Variants in ZNF518A observed in about 807,000 individuals in gnomAD.
The protein encoded by ZNF518A is zinc finger protein 518A.
A neutral mutation model predicts 102.7 loss-of-function variants in ZNF518A; 47 were observed. The observed-to-expected ratio is 0.46, with a 90% confidence interval of 0.36 to 0.58. The LOEUF (loss-of-function observed/expected upper bound fraction) is 0.58. ZNF518A is among the 20% of genes least tolerant of loss of function. The pLI, the probability that ZNF518A is intolerant of heterozygous loss-of-function variation, is 0.00. For synonymous variants in ZNF518A, 652 were observed against 594.6 expected (o/e 1.10, Z -1.40); for missense variants, 1,793 against 1,699.8 (o/e 1.05, Z -0.96).
chr10:96,173,229 C>A (rs1554891107), intron 1 of ZNF518A, among the ~76,000 whole-genome samples: 1 of 152,124 alleles, frequency 6.6e-6, no homozygotes, highest in African/African-American at 2.4e-5. Context: ...TAAGAGACAA[C>A]TGTTTATATT....
downstream of ZNF518A, among the ~76,000 whole-genome samples, chr10:96,165,019 T>C (rs1198273513): frequency 1.3e-5 from 2 of 152,246 alleles, no homozygotes; most frequent in East Asian, 1.9e-4. Flanking sequence ...AATACTCTTG[T>C]AGATGACTTG....
At chr10:96,190,182 C>T in intron 1 of ZNF518A, 1 of 800,186 alleles carries the variant, frequency 1.2e-6, no homozygotes, top group Non-Finnish European at 2.2e-6. Context: ...AGTTCTGGGC[C>T]TCAGGGGGCT....
At chr10:96,140,828 C>A (rs1408671905) in intron 3 of ZNF518A, among the ~76,000 whole-genome samples, 5 of 151,790 alleles carry the variant, frequency 3.3e-5, no homozygotes, top group Admixed American at 2.6e-4. Context: ...ATAGTCCCAG[C>A]TACTTGGGAA....
downstream of ZNF518A, among the ~76,000 whole-genome samples, chr10:96,168,264 C>T (rs587702029): frequency 5.5e-3 from 832 of 152,240 alleles, 6 homozygotes; most frequent in South Asian, 0.013. Flanking sequence ...ATGCAGGGTT[C>T]AACCACTTGG....
chr10:96,154,451 C>T (rs1554881466), intron 3 of ZNF518A, among the ~76,000 whole-genome samples: 1 of 148,670 alleles, frequency 6.7e-6, no homozygotes, highest in African/African-American at 2.5e-5. Context: ...TCCTTCCTTC[C>T]TGCCTTCTTT....
At position 96,157,336 on chromosome 10, in the gene ZNF518A, C is replaced by G; in HGVS notation, c.1014C>G (p.Asp338Glu). Residue 338 changes from aspartate to glutamate, a missense_variant, in exon 6 of 6, where the codon GAC becomes GAG. This residue lies in a region of ZNF518A where 1,741 missense variants were observed against 1,622.6 expected (regional missense o/e 1.07). Transcript: ENST00000316045. ...WKRKKINSGS[D>E]RSIEKNTQVL... ...GTAAGAAAATTAACAGTGGAAGTGA[C>G]AGAAGTATAGAAAAGAACACTCAAG... 1 of 1,611,020 alleles carries G rather than the reference C, an allele frequency of 6.2e-7. No individual in the cohort carries two copies. The highest frequency in any genetic ancestry group is 8.5e-7 in the Non-Finnish European group (1 of 1,178,494).
rs1408942403 is a variant in ZNF518A at position 96,130,722 on chromosome 10, C to A, written c.-483C>A. The A allele has an allele frequency of 4.6e-5, 7 of 152,320 alleles. No homozygotes were observed. Among genetic ancestry groups the A allele is most frequent in the African/African-American group, 1.7e-4 (7 of 41,458 alleles). The allele number at this position is 152,320 out of a possible 1,614,324, so 9.4% of individuals were successfully genotyped here. Reference sequence around the variant, plus strand: ...CTTGCAGAGATGCCCTGCTCCCTGACGCGCTCGCTCTTCTCCAGAGTTGGC... The same window carrying A: ...CTTGCAGAGATGCCCTGCTCCCTGAAGCGCTCGCTCTTCTCCAGAGTTGGC... On this transcript the variant is annotated 5_prime_UTR_variant, in exon 1 of 6. Transcript: ENST00000316045.
At chr10:96,166,948 C>T (rs1218352008), downstream of ZNF518A, among the ~76,000 whole-genome samples, 1 of 152,164 alleles carries the variant, frequency 6.6e-6, no homozygotes, top group Admixed American at 6.5e-5. Context: ...GTAGTGAAAG[C>T]AGTCTTCAAG....
chr10:96,153,701 C>G (rs2082559353), intron 3 of ZNF518A, among the ~76,000 whole-genome samples: 1 of 152,064 alleles, frequency 6.6e-6, no homozygotes, highest in African/African-American at 2.4e-5. Context: ...AAAAATGTTC[C>G]CAATGAAGCT....
intron 1 of ZNF518A, among the ~76,000 whole-genome samples, chr10:96,181,492 G>A (rs1230180134): frequency 6.6e-6 from 1 of 152,162 alleles, no homozygotes; most frequent in African/African-American, 2.4e-5. Flanking sequence ...TAACATGTAA[G>A]TCTTTAATCC....
intron 1 of ZNF518A, among the ~76,000 whole-genome samples, chr10:96,178,695 TA>T (rs1319602784): frequency 1.3e-5 from 2 of 152,028 alleles, no homozygotes; most frequent in Non-Finnish European, 2.9e-5. Flanking sequence ...ATAAAATTGA[TA>T]AACCTTTAGC....
intron 1 of ZNF518A, chr10:96,201,084 A>G: frequency 6.3e-7 from 1 of 1,587,868 alleles, no homozygotes; most frequent in Admixed American, 1.7e-5. Flanking sequence ...AAAGTCCTTC[A>G]ATTAATCTTC....
chr10:96,147,625 T>G (rs782121802), intron 3 of ZNF518A, among the ~76,000 whole-genome samples: 12 of 152,236 alleles, frequency 7.9e-5, no homozygotes, highest in Non-Finnish European at 1.8e-4. Context: ...TATGCCAGAA[T>G]TCGAAGGTAT....
intron 1 of ZNF518A, among the ~76,000 whole-genome samples, chr10:96,131,992 C>CT (rs2081361092): frequency 6.7e-6 from 1 of 149,600 alleles, no homozygotes; most frequent in Non-Finnish European, 1.5e-5. Context: ...ACATTGCATA[C>CT]TTTAGAGCAC....
Position 96,161,146 on chromosome 10 carries a change from T to TC in ZNF518A, c.*372_*373insC, listed in dbSNP as rs782446161. The TC allele has an allele frequency of 3.9e-5, 7 of 177,248 alleles. No homozygotes were observed. The highest frequency in any genetic ancestry group is 8.0e-5 in the Non-Finnish European group (6 of 75,426). The allele number at this position is 177,248 out of a possible 1,614,324, so 11.0% of individuals were successfully genotyped here. The stretch of plus-strand genomic sequence containing the variant: ...CATTCCCTCTCTTCTTCCACCAGCC[T>TC]TATGCATCTAAGTGTAGCTCCTCTG... On this transcript the variant is annotated 3_prime_UTR_variant, in exon 6 of 6. Transcript: ENST00000316045.
intron 1 of ZNF518A, among the ~76,000 whole-genome samples, chr10:96,186,921 G>T (rs1358007533): frequency 6.6e-6 from 1 of 152,152 alleles, no homozygotes; most frequent in Non-Finnish European, 1.5e-5. Context: ...TGCATCAAAG[G>T]TTAAGAAAAA....
chr10:96,132,355 G>A (rs1591085437), intron 1 of ZNF518A, among the ~76,000 whole-genome samples: 1 of 151,634 alleles, frequency 6.6e-6, no homozygotes, highest in Non-Finnish European at 1.5e-5. Flanking sequence ...TCTTTTTCTT[G>A]TAATAAATGA....
At chr10:96,155,171 A>G (rs112046558) in intron 3 of ZNF518A, among the ~76,000 whole-genome samples, 155 bp from the exon 4 acceptor site, 6,196 of 152,112 alleles carry the variant, frequency 0.041, 241 homozygotes, top group African/African-American at 0.098. Flanking sequence ...ATATATTGTT[A>G]TGTCCCATAC....
chr10:96,136,739 A>G (rs1440374804), intron 3 of ZNF518A, among the ~76,000 whole-genome samples: 1 of 152,132 alleles, frequency 6.6e-6, no homozygotes, highest in African/African-American at 2.4e-5. Flanking sequence ...TGGGCTCCAG[A>G]ACTAGGAATG....
Sources: allele counts gnomAD v4.1 joint callset (sites outside exome capture counted in the v4.1 genomes callset), GRCh38; gene constraint gnomAD v4.1.1; regional missense constraint gnomAD v4.1.1; transcripts MANE v1.5; gene names NCBI Gene and HGNC (gene_info 2026-07-23, HGNC 2026-07-21).